The following HTR7 variants were observed in gnomAD, a reference collection of about 807,000 sequenced individuals.
HTR7 encodes 5-HT-7.
HTR7 carries 16 observed loss-of-function variants against 34.0 expected under a neutral mutation model. The ratio of observed to expected loss-of-function variants is 0.47; its 90% CI spans 0.32 to 0.71. HTR7 has a LOEUF of 0.71. HTR7 is among the 30% of genes least tolerant of loss of function. The pLI, the probability that HTR7 is intolerant of heterozygous loss-of-function variation, is 0.04. For missense variants in HTR7, 504 were observed against 625.5 expected (o/e 0.81, Z 2.07); for synonymous variants, 265 against 260.2 (o/e 1.02, Z -0.18).
intron 2 of HTR7, among the ~76,000 whole-genome samples, chr10:90,744,984 G>T (rs543922573): frequency 9.2e-5 from 14 of 152,062 alleles, no homozygotes; most frequent in Admixed American, 2.6e-4. Flanking sequence ...TAAATGCTTT[G>T]ACCAACTTCA....
intron 1 of HTR7, among the ~76,000 whole-genome samples, chr10:90,831,587 G>A (rs990636790): frequency 7.9e-5 from 12 of 152,214 alleles, no homozygotes; most frequent in African/African-American, 1.4e-4. Flanking sequence ...TGCCACTGCT[G>A]GCTCGCGCAG....
intron 1 of HTR7, among the ~76,000 whole-genome samples, chr10:90,782,811 T>C (rs999114641): frequency 9.2e-5 from 14 of 152,192 alleles, no homozygotes; most frequent in African/African-American, 2.9e-4. Context: ...ACAAATCCGC[T>C]TCATTTTTGA....
intron 1 of HTR7, among the ~76,000 whole-genome samples, chr10:90,836,203 G>T (rs1440387671): frequency 6.6e-6 from 1 of 152,126 alleles, no homozygotes; most frequent in East Asian, 1.9e-4. Flanking sequence ...GTGCTTTGGA[G>T]GGCAGGATGG....
intron 1 of HTR7, among the ~76,000 whole-genome samples, chr10:90,758,664 C>G: frequency 6.6e-6 from 1 of 151,870 alleles, no homozygotes; most frequent in Middle Eastern, 3.4e-3. Context: ...ATCTTACCAG[C>G]AAAAGGACAC....
chr10:90,828,620 A>G (rs1233135445), intron 1 of HTR7, among the ~76,000 whole-genome samples: 1 of 152,146 alleles, frequency 6.6e-6, no homozygotes, highest in Non-Finnish European at 1.5e-5. Flanking sequence ...TTAGACACAT[A>G]CAACTTACCA....
At chr10:90,762,221 T>A (rs113831746) in intron 1 of HTR7, among the ~76,000 whole-genome samples, 2,186 of 152,344 alleles carry the variant, frequency 0.014, 28 homozygotes, top group Middle Eastern at 0.054. Flanking sequence ...CTGTTTTCCA[T>A]AAAGGCTGTA....
intron 1 of HTR7, among the ~76,000 whole-genome samples, chr10:90,775,028 G>T (rs886781838): frequency 1.3e-5 from 2 of 152,196 alleles, no homozygotes; most frequent in Non-Finnish European, 2.9e-5. Flanking sequence ...TAACGAAGAA[G>T]ATGAGATATG....
chr10:90,848,930 T>A (rs1846452971), intron 1 of HTR7, among the ~76,000 whole-genome samples: 1 of 152,192 alleles, frequency 6.6e-6, no homozygotes, highest in Non-Finnish European at 1.5e-5. Context: ...AGGTTTCTGA[T>A]TTGGTAAGGT....
intron 2 of HTR7, among the ~76,000 whole-genome samples, chr10:90,744,364 A>G (rs1180055645): frequency 6.6e-6 from 1 of 151,344 alleles, no homozygotes; most frequent in Non-Finnish European, 1.5e-5. Flanking sequence ...CAGACCCTCA[A>G]ATGTTTCTGG....
At chr10:90,849,818 A>G (rs141692126) in intron 1 of HTR7, among the ~76,000 whole-genome samples, 1,535 of 152,316 alleles carry the variant, frequency 0.01, 7 homozygotes, top group Non-Finnish European at 0.015. Context: ...ATAAAGCACA[A>G]ATACACACAC....
chr10:90,798,362 G>T (rs1396157308), intron 1 of HTR7, among the ~76,000 whole-genome samples: 1 of 152,156 alleles, frequency 6.6e-6, no homozygotes, highest in Non-Finnish European at 1.5e-5. Context: ...AACTCCTATA[G>T]CCTAAGCCCC....
intron 1 of HTR7, among the ~76,000 whole-genome samples, chr10:90,825,793 T>A (rs189968611): frequency 6.6e-6 from 1 of 152,142 alleles, no homozygotes. Flanking sequence ...ACAGGCTATT[T>A]GGAAATACAC....
At chr10:90,825,418 T>G (rs1846055418) in intron 1 of HTR7, among the ~76,000 whole-genome samples, 1 of 152,128 alleles carries the variant, frequency 6.6e-6, no homozygotes, top group South Asian at 2.1e-4. Context: ...AAGACTACAA[T>G]AAATACCTAA....
intron 1 of HTR7, among the ~76,000 whole-genome samples, chr10:90,832,808 G>A (rs1340386833): frequency 6.6e-6 from 1 of 152,172 alleles, no homozygotes; most frequent in Admixed American, 6.5e-5. Context: ...GGAGGGAAGA[G>A]GACAAAACAT....
At chr10:90,758,336 C>T (rs1191686353) in intron 1 of HTR7, among the ~76,000 whole-genome samples, 1 of 472 alleles carries the variant, frequency 2.1e-3, no homozygotes, top group African/African-American at 6.5e-3. Context: ...CAAAGCAAGG[C>T]TCTGTCTCAA....
chr10:90,818,342 T>A (rs779716257), intron 1 of HTR7, among the ~76,000 whole-genome samples: 1 of 152,170 alleles, frequency 6.6e-6, no homozygotes, highest in Non-Finnish European at 1.5e-5. Context: ...GGTCAGGAGT[T>A]CAAGGCCAGC....
At chr10:90,798,805 G>C (rs1360447801) in intron 1 of HTR7, among the ~76,000 whole-genome samples, 2 of 152,062 alleles carry the variant, frequency 1.3e-5, no homozygotes, top group Non-Finnish European at 2.9e-5. Context: ...CTCATTCCTG[G>C]GTGTAGGCTG....
rs1409829067 is a variant in HTR7, at chr10:90,748,833, C to T, written c.1295+6G>A. On this transcript the variant is annotated splice_donor_region_variant and intron_variant, in intron 2 of 3. Coordinates refer to ENST00000336152, the MANE Select transcript of HTR7 (RefSeq NM_019859.4). ...ATAAAAGGAAAATAGTGATAAATGA[C>T]CTTACAGCACAAACTCAGGTCTCTC... The T allele has an allele frequency of 4.4e-6, 7 of 1,605,580 alleles. No individual in the cohort carries two copies. The Admixed American group carries it at 1.2e-4, about 28-fold the overall frequency.
rs547732971 is a variant in HTR7 at position 90,751,581 on chromosome 10, C to A, written c.540-1987G>T. ...GGTAGAGGTTACTTTACACAATTCCCCAGGAGGCCACCAGATGGCATTGTC... is the reference window on the plus strand; with the variant it reads ...GGTAGAGGTTACTTTACACAATTCCACAGGAGGCCACCAGATGGCATTGTC... On this transcript the variant is annotated intron_variant, in intron 1 of 3. Transcript: ENST00000336152. Among the ~76,000 whole-genome samples, 8 of 152,244 alleles carry A rather than the reference C, an allele frequency of 5.3e-5. No homozygotes were observed. In the South Asian group the frequency reaches 1.7e-3, roughly 32 times the overall value.
Sources: allele counts gnomAD v4.1 joint callset (sites outside exome capture counted in the v4.1 genomes callset), GRCh38; gene constraint gnomAD v4.1.1; transcripts MANE v1.5; gene names NCBI Gene and HGNC (gene_info 2026-07-23, HGNC 2026-07-21).